Variants in GPD2 observed in about 807,000 individuals in gnomAD.
GPD2 encodes glycerol-3-phosphate dehydrogenase 2.
A neutral mutation model predicts 82.4 loss-of-function variants in GPD2; 54 were observed. The ratio of observed to expected loss-of-function variants is 0.66; its 90% CI spans 0.53 to 0.82. The LOEUF (loss-of-function observed/expected upper bound fraction) is 0.82, where lower values mean the gene tolerates loss of function less well. Ranked by LOEUF, GPD2 falls within the 40% of genes least tolerant of loss-of-function variation. The pLI is 0.00. For missense variants in GPD2, 748 were observed against 896.2 expected (o/e 0.83, Z 2.11); for synonymous variants, 288 against 306.1 (o/e 0.94, Z 0.62).
At chr2:156,553,289 G>A (rs994609930) in intron 8 of GPD2, among the ~76,000 whole-genome samples, 5 of 152,028 alleles carry the variant, frequency 3.3e-5, no homozygotes, top group Non-Finnish European at 5.9e-5. Context: ...CTATTGGTAC[G>A]GTGTCTGGCA....
At chr2:156,520,965 A>G (rs905591811) in intron 6 of GPD2, among the ~76,000 whole-genome samples, 1 of 152,202 alleles carries the variant, frequency 6.6e-6, no homozygotes, top group African/African-American at 2.4e-5. Flanking sequence ...GAGCAGTTGG[A>G]CATGCCTAGA....
chr2:156,536,640 G>T (rs888590567), intron 6 of GPD2, among the ~76,000 whole-genome samples: 2 of 152,166 alleles, frequency 1.3e-5, no homozygotes, highest in African/African-American at 2.4e-5. Context: ...AGATTTGAGG[G>T]CAGGGCTTCT....
chr2:156,451,929 G>A, intron 1 of GPD2, among the ~76,000 whole-genome samples: 1 of 151,716 alleles, frequency 6.6e-6, no homozygotes, highest in East Asian at 2.0e-4. Flanking sequence ...TCGCGGCCGG[G>A]CAGAGGCGCT....
At chr2:156,424,099 T>C in the GPD2 span, among the ~76,000 whole-genome samples, 6 of 152,190 alleles carry the variant, frequency 3.9e-5, no homozygotes, top group South Asian at 8.3e-4. Flanking sequence ...CGTGGCGCAG[T>C]TGGATAAGCA....
At chr2:156,422,805 T>C in the GPD2 span, among the ~76,000 whole-genome samples, 1 of 152,090 alleles carries the variant, frequency 6.6e-6, no homozygotes, top group Non-Finnish European at 1.5e-5. Flanking sequence ...ACATTTCTTG[T>C]CACTGAATGA....
rs768142893 is a variant in GPD2, at chr2:156,557,590, A to C, written c.1165+8A>C. 1 of 1,490,030 alleles carries C rather than the reference A, an allele frequency of 6.7e-7. No individual in the cohort carries two copies. Among genetic ancestry groups the C allele is most frequent in the Non-Finnish European group, 9.4e-7 (1 of 1,066,944 alleles). The allele number at this position is 1,490,030 out of a possible 1,614,324, so 92.3% of individuals were successfully genotyped here. ...TGAGTTGTGATGTTGAAGGTAACTAAGCATTCCTTTAAGTTTGTCTCTCTG... is the reference window on the plus strand; with the variant it reads ...TGAGTTGTGATGTTGAAGGTAACTACGCATTCCTTTAAGTTTGTCTCTCTG... On this transcript the variant is annotated splice_region_variant and intron_variant, in intron 9 of 16. Transcript: ENST00000438166.
chr2:156,561,790 GCT>G (rs1687184954), intron 9 of GPD2, among the ~76,000 whole-genome samples: 1 of 152,052 alleles, frequency 6.6e-6, no homozygotes, highest in African/African-American at 2.4e-5. Context: ...TCCCCAAATG[GCT>G]ATATCCTTAA....
the GPD2 span, among the ~76,000 whole-genome samples, chr2:156,411,488 G>T: frequency 1.3e-5 from 2 of 151,848 alleles, no homozygotes; most frequent in Non-Finnish European, 2.9e-5. Context: ...GCTAATTTTT[G>T]TATTTTTAGT....
Position 156,526,109 on chromosome 2 carries a change from G to C in GPD2, c.661+12613G>C, listed in dbSNP as rs572506527. Among the ~76,000 whole-genome samples the C allele has an allele frequency of 2.6e-3, 392 of 152,134 alleles. 4 individuals are homozygous for C. The highest frequency in any genetic ancestry group is 9.0e-3 in the African/African-American group (372 of 41,520). The stretch of plus-strand genomic sequence containing the variant: ...TATAAGAGGCCACAAAATTTTAAAA[G>C]GTGAATTTAAAAGCAGGGACCAACT... On this transcript the variant is annotated intron_variant, in intron 6 of 16. Transcript: ENST00000438166.
chr2:156,400,530 CCAG>C, the GPD2 span, among the ~76,000 whole-genome samples: 1 of 152,258 alleles, frequency 6.6e-6, no homozygotes, highest in Non-Finnish European at 1.5e-5. Context: ...CTCCCGACGT[CCAG>C]CAGAAGTGCT....
upstream of GPD2, among the ~76,000 whole-genome samples, chr2:156,433,209 A>AAAGGAG (rs1359575202): frequency 6.6e-6 from 1 of 152,248 alleles, no homozygotes; most frequent in Non-Finnish European, 1.5e-5. Flanking sequence ...AGGTGGTAAC[A>AAAGGAG]GCCCATTCCC....
At chr2:156,405,853 T>C in the GPD2 span, among the ~76,000 whole-genome samples, 5 of 152,306 alleles carry the variant, frequency 3.3e-5, no homozygotes, top group South Asian at 1.0e-3. Context: ...AGCCTGGCCA[T>C]TGTGACACCC....
chr2:156,420,264 TG>T, the GPD2 span, among the ~76,000 whole-genome samples: 12 of 152,182 alleles, frequency 7.9e-5, no homozygotes, highest in African/African-American at 2.9e-4. Context: ...CTCTGCCTCC[TG>T]GGTTCAAGCA....
At chr2:156,545,595 T>G (rs1686499125) in intron 6 of GPD2, among the ~76,000 whole-genome samples, 1 of 152,224 alleles carries the variant, frequency 6.6e-6, no homozygotes, top group Admixed American at 6.5e-5. Context: ...GGCAGGTAGA[T>G]ATCAGATCAA....
the GPD2 span, among the ~76,000 whole-genome samples, chr2:156,426,048 C>G: frequency 3.3e-5 from 5 of 152,114 alleles, no homozygotes; most frequent in East Asian, 7.7e-4. Context: ...TTAGCCTCCC[C>G]GAGTAGCTGG....
At chr2:156,482,822 C>G (rs1683784226) in intron 2 of GPD2, among the ~76,000 whole-genome samples, 1 of 151,834 alleles carries the variant, frequency 6.6e-6, no homozygotes, top group Non-Finnish European at 1.5e-5. Flanking sequence ...GAAAAAAAAC[C>G]CTGATAACAG....
chr2:156,505,042 C>A (rs969842669), intron 3 of GPD2, among the ~76,000 whole-genome samples: 1 of 151,992 alleles, frequency 6.6e-6, no homozygotes, highest in African/African-American at 2.4e-5. Context: ...TTAAAATATA[C>A]TTCTGTTCTA....
the GPD2 span, among the ~76,000 whole-genome samples, chr2:156,422,019 T>C: frequency 2.4e-4 from 36 of 152,236 alleles, no homozygotes; most frequent in African/African-American, 8.7e-4. Flanking sequence ...CCCAGCTACT[T>C]GGGAGGCGGA....
intron 6 of GPD2, among the ~76,000 whole-genome samples, chr2:156,536,450 T>G (rs1425166737): frequency 6.6e-6 from 1 of 152,242 alleles, no homozygotes; most frequent in East Asian, 1.9e-4. Flanking sequence ...AAAGTAAAAT[T>G]GCCTTTGAAT....
Sources: gnomAD v4.1 joint callset for allele counts (sites outside exome capture counted in the v4.1 genomes callset) on GRCh38, gnomAD v4.1.1 for gene constraint, MANE v1.5 for transcripts, NCBI Gene and HGNC (gene_info 2026-07-23, HGNC 2026-07-21) for gene names.